Variants in DNAH14 observed in about 807,000 individuals in gnomAD.
DNAH14 encodes axonemal beta dynein heavy chain 14.
A neutral mutation model predicts 520.9 loss-of-function variants in DNAH14; 478 were observed. That is an observed-to-expected ratio of 0.92 (90% CI 0.85 to 0.99). DNAH14 has a LOEUF of 0.99. Ranked by LOEUF, DNAH14 falls within the 50% of genes least tolerant of loss-of-function variation. The probability of loss-of-function intolerance (pLI) is 0.00; values close to 1 mark genes in which losing one functional copy is unlikely to be tolerated. For synonymous variants in DNAH14, 1,581 were observed against 1,757.2 expected (o/e 0.90, Z 2.51); for missense variants, 4,831 against 5,234.5 (o/e 0.92, Z 2.38).
chr1:224,935,914 A>G (rs1258555161), intron 1 of DNAH14, among the ~76,000 whole-genome samples: 2 of 151,894 alleles, frequency 1.3e-5, no homozygotes, highest in Non-Finnish European at 3.0e-5. Flanking sequence ...TCTGGAAACC[A>G]TAAAAATACA....
intron 77 of DNAH14, among the ~76,000 whole-genome samples, chr1:225,373,478 AAGGGAGGG>A (rs1241534961): frequency 6.9e-6 from 1 of 144,516 alleles, no homozygotes; most frequent in African/African-American, 2.5e-5. Flanking sequence ...GGAAGGGAGG[AAGGGAGGG>A]AGGGAGGGGG....
chr1:225,109,923 A>C (rs1388735883), intron 23 of DNAH14, among the ~76,000 whole-genome samples: 8 of 152,144 alleles, frequency 5.3e-5, no homozygotes, highest in Admixed American at 5.2e-4. Context: ...ATGCTTTATC[A>C]GCATCAATTG....
intron 49 of DNAH14, among the ~76,000 whole-genome samples, chr1:225,270,225 G>A (rs1287258489): frequency 1.4e-5 from 2 of 147,490 alleles, no homozygotes; most frequent in African/African-American, 5.0e-5. Flanking sequence ...CGCAAGGACA[G>A]AAAACCAAAC....
Position 225,335,338 on chromosome 1 carries a change from C to G in DNAH14, c.10080+1832C>G, listed in dbSNP as rs1160384709. Among the ~76,000 whole-genome samples, 14 of 93,140 alleles carry G rather than the reference C, an allele frequency of 1.5e-4. 4 individuals are homozygous for G. Among genetic ancestry groups the G allele is most frequent in the Admixed American group, 1.1e-4 (1 of 9,116 alleles). The allele number at this position is 93,140 out of a possible 152,430, so 61.1% of individuals were successfully genotyped here. ...GTATATGCACATATACACGTGTGTA[C>G]ATGTGTGTGTATATGCATATACACG... On this transcript the variant is annotated intron_variant, in intron 66 of 85. Coordinates refer to ENST00000682510, the MANE Select transcript of DNAH14 (RefSeq NM_001367479.1).
intron 41 of DNAH14, among the ~76,000 whole-genome samples, chr1:225,209,938 A>G (rs1172906879): frequency 6.6e-6 from 1 of 152,102 alleles, no homozygotes; most frequent in Non-Finnish European, 1.5e-5. Flanking sequence ...GTTGTGAGGG[A>G]CAATGCCATG....
chr1:225,004,244 C>G (rs1481486657), intron 9 of DNAH14, among the ~76,000 whole-genome samples: 3 of 152,086 alleles, frequency 2.0e-5, no homozygotes, highest in African/African-American at 7.2e-5. Flanking sequence ...AAAATGAAAA[C>G]TAATTCTAGA....
At chr1:225,333,650 C>T (rs1040726222) in intron 66 of DNAH14, 144 bp downstream of exon 66, 1 of 751,070 alleles carries the variant, frequency 1.3e-6, no homozygotes, top group Non-Finnish European at 2.1e-6. Context: ...TTGCAGGCCT[C>T]GATTTTTTAA....
intron 3 of DNAH14, among the ~76,000 whole-genome samples, chr1:224,957,185 G>A (rs1486243594): frequency 6.6e-6 from 1 of 152,014 alleles, no homozygotes; most frequent in African/African-American, 2.4e-5. Flanking sequence ...GTGATGGGTT[G>A]GTGAGAGAGA....
chr1:225,252,499 A>G, intron 44 of DNAH14, 82 bp downstream of exon 44: 1 of 763,874 alleles, frequency 1.3e-6, no homozygotes, highest in Non-Finnish European at 2.1e-6. Flanking sequence ...TATCTACTCT[A>G]TTTATAAAAG....
chr1:225,253,691 T>G (rs1462752056), intron 44 of DNAH14, among the ~76,000 whole-genome samples: 1 of 152,154 alleles, frequency 6.6e-6, no homozygotes, highest in African/African-American at 2.4e-5. Flanking sequence ...CCACACGTAT[T>G]AATCAAGCTA....
intron 55 of DNAH14, among the ~76,000 whole-genome samples, chr1:225,295,043 A>G (rs949667381): frequency 5.3e-5 from 8 of 151,988 alleles, no homozygotes; most frequent in Non-Finnish European, 7.4e-5. Flanking sequence ...GAATTTATTG[A>G]TGTGTTGCTG....
intron 17 of DNAH14, among the ~76,000 whole-genome samples, chr1:225,055,188 G>A (rs2068916440): frequency 6.6e-6 from 1 of 151,992 alleles, no homozygotes; most frequent in Non-Finnish European, 1.5e-5. Flanking sequence ...CCTCTAAGAT[G>A]CCGTATTTCT....
chr1:225,388,218 G>A (rs188888717), intron 81 of DNAH14, among the ~76,000 whole-genome samples, 161 bp from the exon 82 acceptor site: 1 of 152,126 alleles, frequency 6.6e-6, no homozygotes, highest in African/African-American at 2.4e-5. Flanking sequence ...TGGTAATAAG[G>A]TTTAGACTTT....
At chr1:225,205,113 A>G (rs1407931062) in intron 39 of DNAH14, among the ~76,000 whole-genome samples, 1 of 151,996 alleles carries the variant, frequency 6.6e-6, no homozygotes, top group African/African-American at 2.4e-5. Context: ...TGACCAATGG[A>G]TTTTCTAAAA....
chr1:224,959,657 G>T (rs1433639395), intron 3 of DNAH14, among the ~76,000 whole-genome samples: 1 of 151,964 alleles, frequency 6.6e-6, no homozygotes, highest in Non-Finnish European at 1.5e-5. Flanking sequence ...TTACTTTTCT[G>T]TATTTATCTC....
chr1:225,331,501 T>G lies in DNAH14; in HGVS notation c.9788T>G (p.Leu3263Ter). 6.4e-7 allele frequency: 1 copy of G among 1,551,448 alleles called. No homozygotes were observed. Among genetic ancestry groups the G allele is most frequent in the Non-Finnish European group, 8.7e-7 (1 of 1,146,846 alleles). The change falls in exon 65 of 86, where the codon TTA becomes TGA. Residue 3263 changes from leucine to a stop codon, truncating the protein, a stop_gained. Coordinates refer to ENST00000682510, the MANE Select transcript of DNAH14 (RefSeq NM_001367479.1). LOFTEE classifies it high-confidence loss of function. Reference sequence around the variant, plus strand: ...GATACCGTTGCTGAAAAACAACTATTAGCAAATCGGAAAACAATGGCCAGC... The same window carrying G: ...GATACCGTTGCTGAAAAACAACTATGAGCAAATCGGAAAACAATGGCCAGC... ...YKDTVAEKQL[L>*]ANRKTMASRR...
rs573681264 is a variant in DNAH14, at chr1:225,374,737, C to T, written c.12368C>T (p.Ser4123Leu). Residue 4123 changes from serine to leucine, a missense_variant, in exon 78 of 86, where the codon TCG becomes TTG. Physicochemically the swap from Ser to Leu is moderately radical, Grantham distance 145. Transcript: ENST00000682510. ...ENSLRGQPSI[S>L]WQALRYLIGE... ...TCCCTGAGAGGACAGCCCAGCATTT[C>T]GTGGCAAGCACTGCGCTACCTGATT... 2.1e-5 allele frequency: 33 copies of T among 1,551,010 alleles called. No homozygotes were observed. Among genetic ancestry groups the T allele is most frequent in the African/African-American group, 2.7e-5 (2 of 73,132 alleles).
chr1:225,271,490 A>G (rs2093313399), intron 50 of DNAH14, among the ~76,000 whole-genome samples: 1 of 152,148 alleles, frequency 6.6e-6, no homozygotes, highest in African/African-American at 2.4e-5. Context: ...CTTTCCAGTA[A>G]GATACTTCAG....
intron 37 of DNAH14, among the ~76,000 whole-genome samples, chr1:225,190,990 TGTTA>T (rs1559237583): frequency 6.6e-6 from 1 of 152,038 alleles, no homozygotes; most frequent in Non-Finnish European, 1.5e-5. Context: ...TGCTTTATGT[TGTTA>T]GTGTCACAAA....
Sources: gnomAD v4.1 joint callset for allele counts (sites outside exome capture counted in the v4.1 genomes callset) on GRCh38, gnomAD v4.1.1 for gene constraint, MANE v1.5 for transcripts, NCBI Gene and HGNC (gene_info 2026-07-23, HGNC 2026-07-21) for gene names.